The following ZDHHC11 variants were observed in gnomAD, a reference collection of about 807,000 sequenced individuals.
ZDHHC11 encodes the protein palmitoyltransferase ZDHHC11.
ZDHHC11 carries 44 observed loss-of-function variants against 51.3 expected under a neutral mutation model. That is an observed-to-expected ratio of 0.86 (90% confidence interval 0.67 to 1.10). ZDHHC11 has a LOEUF of 1.10. Among genes scored for constraint, ZDHHC11 ranks in the 50% least tolerant of loss-of-function variants. The pLI, the probability that ZDHHC11 is intolerant of heterozygous loss-of-function variation, is 0.00. For missense variants in ZDHHC11, 400 were observed against 537.7 expected (o/e 0.74, Z 2.53); for synonymous variants, 163 against 222.0 (o/e 0.73, Z 2.36).
chr5:815,309 C>T lies in ZDHHC11; in HGVS notation c.1147-514G>A, dbSNP rs547964299. Among the ~76,000 whole-genome samples, 51 of 150,756 alleles carry T rather than the reference C, an allele frequency of 3.4e-4. 1 individual carries two copies. The highest frequency in any genetic ancestry group is 3.4e-3 in the Middle Eastern group (1 of 294). On this transcript the variant is annotated intron_variant, in intron 10 of 12. Transcript: ENST00000283441. ...TGAGAAAATACATTTCTTGTTCCAA[C>T]ACCCCATGTGTGGTTCCTGCTTGTG...
At chr5:842,842 C>G (rs535271631) in intron 4 of ZDHHC11, among the ~76,000 whole-genome samples, 1 of 151,582 alleles carries the variant, frequency 6.6e-6, no homozygotes, top group Non-Finnish European at 1.5e-5. Flanking sequence ...TGGCTCCCGG[C>G]GACCCCGGGC....
At chr5:824,275 A>T (rs1250710223) in intron 8 of ZDHHC11, among the ~76,000 whole-genome samples, 1 of 150,588 alleles carries the variant, frequency 6.6e-6, no homozygotes, top group Non-Finnish European at 1.5e-5. Flanking sequence ...CCTGGACAAT[A>T]GAGTGAGATC....
intron 5 of ZDHHC11, chr5:840,137 C>T (rs1371176092): frequency 1.1e-5 from 7 of 617,536 alleles, no homozygotes; most frequent in East Asian, 2.7e-5. Flanking sequence ...GTCCACCTGT[C>T]CTTATTTCAT....
chr5:838,633 T>G (rs1441000407), intron 5 of ZDHHC11, among the ~76,000 whole-genome samples: 1 of 152,152 alleles, frequency 6.6e-6, no homozygotes, highest in Non-Finnish European at 1.5e-5. Flanking sequence ...GCGTCCTGCC[T>G]CCCGCCCACA....
intron 11 of ZDHHC11, among the ~76,000 whole-genome samples, chr5:802,875 G>C (rs199934376): frequency 1.3e-5 from 1 of 78,766 alleles, no homozygotes; most frequent in East Asian, 4.5e-4. Flanking sequence ...AAAAAAAAAA[G>C]CTAAATGTGG....
intron 5 of ZDHHC11, among the ~76,000 whole-genome samples, chr5:837,999 G>C (rs1241018816): frequency 2.0e-5 from 3 of 151,934 alleles, no homozygotes; most frequent in African/African-American, 7.2e-5. Context: ...CCACGCAGTG[G>C]GGCGGCCACC....
intron 11 of ZDHHC11, among the ~76,000 whole-genome samples, chr5:807,439 A>T (rs1255391390): frequency 2.6e-5 from 4 of 151,400 alleles, no homozygotes; most frequent in Non-Finnish European, 4.4e-5. Flanking sequence ...ATGATGTCAG[A>T]CTCTGCTTTT....
chr5:804,108 G>C (rs1738894452), intron 11 of ZDHHC11, among the ~76,000 whole-genome samples: 1 of 151,306 alleles, frequency 6.6e-6, no homozygotes, highest in Non-Finnish European at 1.5e-5. Context: ...ATCAGCAGTT[G>C]TGTTTTCTGC....
intron 3 of ZDHHC11, among the ~76,000 whole-genome samples, chr5:844,479 C>T (rs372711920): frequency 0.05 from 7,509 of 151,296 alleles, 126 homozygotes; most frequent in African/African-American, 0.067. Context: ...CCGCACCTCC[C>T]GACTCCACCT....
intron 3 of ZDHHC11, among the ~76,000 whole-genome samples, chr5:845,146 C>T (rs325136): frequency 1.3e-5 from 2 of 150,258 alleles, no homozygotes; most frequent in African/African-American, 4.9e-5. Context: ...CCAGGGGTGA[C>T]GGGTGGCTCC....
intron 11 of ZDHHC11, among the ~76,000 whole-genome samples, chr5:807,862 A>T (rs1739488766): frequency 6.6e-6 from 1 of 151,354 alleles, no homozygotes; most frequent in Admixed American, 6.6e-5. Context: ...CACTCTGCTA[A>T]GAGGAGCTTT....
At chr5:855,318 C>CTT (rs1748031357), upstream of ZDHHC11, among the ~76,000 whole-genome samples, 4 of 111,508 alleles carry the variant, frequency 3.6e-5, no homozygotes, top group Admixed American at 9.8e-5. Context: ...AGCCAGGGGG[C>CTT]ACAGACCCCA....
At chr5:860,292 G>A (rs113865562), upstream of ZDHHC11, among the ~76,000 whole-genome samples, 84 of 152,308 alleles carry the variant, frequency 5.5e-4, no homozygotes, top group African/African-American at 1.8e-3. The surrounding 1 kb of genome is among the most constrained non-coding windows in gnomAD (Gnocchi z 4.2). Context: ...GTGACGGCAG[G>A]TCCCCCAGGA....
chr5:828,454 GC>G (rs1316676877), intron 7 of ZDHHC11, among the ~76,000 whole-genome samples: 4 of 150,580 alleles, frequency 2.7e-5, no homozygotes, highest in Non-Finnish European at 5.9e-5. Flanking sequence ...CCGGGTGGGG[GC>G]TGACCCCCCA....
At chr5:859,197 T>C (rs1748660476), upstream of ZDHHC11, among the ~76,000 whole-genome samples, 1 of 152,098 alleles carries the variant, frequency 6.6e-6, no homozygotes, top group African/African-American at 2.4e-5. Flanking sequence ...CAGGACGTAC[T>C]AGGCCCCTGC....
chr5:802,556 T>C (rs1355270549), intron 11 of ZDHHC11, among the ~76,000 whole-genome samples: 2 of 150,598 alleles, frequency 1.3e-5, no homozygotes, highest in Non-Finnish European at 3.0e-5. Flanking sequence ...CAAAATGGTA[T>C]TGTAGAAAGC....
chr5:819,506 G>A lies in ZDHHC11; in HGVS notation c.1146+19C>T, dbSNP rs560212887. 3.7e-5 allele frequency: 59 copies of A among 1,605,278 alleles called. 2 individuals carry two copies. The highest frequency in any genetic ancestry group is 2.7e-4 in the African/African-American group (20 of 74,838). ...ACATGGCCCTGTCCTCGGGGACAGC[G>A]CCAGTGATTGCAACTTACCTGTGCC... On this transcript the variant is annotated intron_variant, in intron 10 of 12. Transcript: ENST00000283441.
chr5:806,252 TG>T (rs1739242982), intron 11 of ZDHHC11, among the ~76,000 whole-genome samples: 1 of 151,038 alleles, frequency 6.6e-6, no homozygotes, highest in African/African-American at 2.4e-5. Context: ...CTCAAATATG[TG>T]CATAAATGGA....
chr5:855,778 CCA>C (rs1748145608), upstream of ZDHHC11, among the ~76,000 whole-genome samples: 1 of 146,352 alleles, frequency 6.8e-6, no homozygotes, highest in African/African-American at 2.6e-5. Flanking sequence ...GTTACAGACA[CCA>C]CAGAGGACAG....
Sources: allele counts gnomAD v4.1 joint callset (sites outside exome capture counted in the v4.1 genomes callset), GRCh38; gene constraint gnomAD v4.1.1; non-coding constraint Gnocchi (gnomAD v3.1); transcripts MANE v1.5; gene names NCBI Gene and HGNC (gene_info 2026-07-23, HGNC 2026-07-21).